Variants in VPS8 observed in about 807,000 individuals in gnomAD.
VPS8 encodes the protein vacuolar protein sorting-associated protein 8 homolog.
A neutral mutation model predicts 216.4 loss-of-function variants in VPS8; 129 were observed. That is an observed-to-expected ratio of 0.60 (90% CI 0.52 to 0.69). The LOEUF (loss-of-function observed/expected upper bound fraction) is 0.69. Ranked by LOEUF, VPS8 falls within the 30% of genes least tolerant of loss-of-function variation. The pLI is 0.00. For missense variants in VPS8, 1,531 were observed against 1,683.5 expected, an observed-to-expected ratio of 0.91 and a Z score of 1.59; for synonymous variants, 571 against 565.4, an observed-to-expected ratio of 1.01 and a Z score of -0.14.
chr3:184,909,425 G>A (rs1031286540), intron 25 of VPS8, among the ~76,000 whole-genome samples: 6 of 152,066 alleles, frequency 3.9e-5, no homozygotes, highest in African/African-American at 1.4e-4. Context: ...CTGTTTCTCT[G>A]GGTTTTGATT....
intron 42 of VPS8, among the ~76,000 whole-genome samples, chr3:184,985,447 A>G (rs1245326059): frequency 6.6e-6 from 1 of 152,244 alleles, no homozygotes; most frequent in African/African-American, 2.4e-5. Context: ...TTCTGAACCC[A>G]TAAGAGCTCT....
intron 40 of VPS8, among the ~76,000 whole-genome samples, chr3:184,979,161 A>C (rs912462086): frequency 7.2e-5 from 11 of 151,772 alleles, no homozygotes. Context: ...GTGGTCTGGG[A>C]ATGTGGTTGG....
chr3:184,846,497 T>C (rs1362385456), intron 8 of VPS8, among the ~76,000 whole-genome samples: 3 of 152,252 alleles, frequency 2.0e-5, no homozygotes, highest in African/African-American at 7.2e-5. Context: ...CTCCTGCTTA[T>C]ACTTCCTGTG....
In VPS8 at chr3:185,050,334, CAG is replaced by C. The variant is rs202206113; in HGVS notation, c.4138-1539_4138-1538del. ...TTGGCCCCTGGAGTAGTGCTTGAGT[CAG>C]AGTTACTGAGTTGTGAATGAGACCA... On this transcript the variant is annotated intron_variant, in intron 47 of 47. Coordinates refer to ENST00000625842, the MANE Select transcript of VPS8 (RefSeq NM_001009921.3). Among the ~76,000 whole-genome samples, 577 of 152,140 alleles carry C rather than the reference CAG, an allele frequency of 3.8e-3. 3 individuals are homozygous for C. The highest frequency in any genetic ancestry group is 0.012 in the African/African-American group (517 of 41,514).
At chr3:184,929,377 A>G (rs1167851549) in intron 32 of VPS8, among the ~76,000 whole-genome samples, 2 of 151,862 alleles carry the variant, frequency 1.3e-5, no homozygotes, top group Non-Finnish European at 2.9e-5. Flanking sequence ...TTTTGTAGAG[A>G]CGGGGTCTTG....
chr3:184,853,807 G>C (rs1277882833), intron 11 of VPS8, 50 bp from the exon 12 acceptor site: 1 of 1,545,508 alleles, frequency 6.5e-7, no homozygotes, highest in Non-Finnish European at 8.8e-7. Flanking sequence ...AGATAGTAGT[G>C]CCTTGGATCA....
intron 40 of VPS8, among the ~76,000 whole-genome samples, chr3:184,980,432 GA>G (rs1750011691): frequency 6.6e-6 from 1 of 152,040 alleles, no homozygotes; most frequent in African/African-American, 2.4e-5. Flanking sequence ...TCTCTTTCAG[GA>G]ATGCCAAAGG....
chr3:184,923,810 A>G (rs985723312), intron 29 of VPS8, among the ~76,000 whole-genome samples: 2 of 152,104 alleles, frequency 1.3e-5, no homozygotes, highest in South Asian at 2.1e-4. Flanking sequence ...CTCTGTTGAC[A>G]TTTCCCCCTT....
chr3:185,039,377 A>C (rs1759327047), intron 46 of VPS8, among the ~76,000 whole-genome samples: 1 of 151,852 alleles, frequency 6.6e-6, no homozygotes, highest in Non-Finnish European at 1.5e-5. Context: ...AGCAGCACGT[A>C]CCAGCATCTG....
chr3:184,977,884 CTT>C (rs55727843), intron 40 of VPS8, among the ~76,000 whole-genome samples: 3 of 131,290 alleles, frequency 2.3e-5, no homozygotes, highest in Admixed American at 7.7e-5. Flanking sequence ...TTTCTTTTTT[CTT>C]TTTTTTTTTT....
intron 39 of VPS8, among the ~76,000 whole-genome samples, chr3:184,968,051 A>G (rs1294570503): frequency 2.0e-5 from 3 of 152,086 alleles, no homozygotes; most frequent in African/African-American, 7.2e-5. Context: ...CTCTCCTCCC[A>G]GCCCCTGGCA....
At chr3:185,014,157 A>G (rs1339136733) in intron 45 of VPS8, among the ~76,000 whole-genome samples, 1 of 152,228 alleles carries the variant, frequency 6.6e-6, no homozygotes, top group Non-Finnish European at 1.5e-5. Context: ...CCCTTGTTGA[A>G]GGAATACTCA....
chr3:184,860,178 T>C (rs947836877), intron 15 of VPS8, 113 bp downstream of exon 15: 10 of 962,870 alleles, frequency 1.0e-5, no homozygotes, highest in Non-Finnish European at 1.6e-5. Context: ...TAAGATCATA[T>C]GAAATATGGA....
At chr3:184,957,584 T>C in intron 37 of VPS8, 63 bp downstream of exon 37, 1 of 1,493,298 alleles carries the variant, frequency 6.7e-7, no homozygotes, top group Non-Finnish European at 9.0e-7. Flanking sequence ...ATTTGACAGA[T>C]GATCAAAGAC....
intron 20 of VPS8, 118 bp downstream of exon 20, chr3:184,869,646 AACACACACAC>A (rs563364165): frequency 1.1e-6 from 1 of 933,558 alleles, no homozygotes; most frequent in East Asian, 2.7e-5. Context: ...TGTATTAAAA[AACACACACAC>A]ACACAGACAC....
intron 36 of VPS8, among the ~76,000 whole-genome samples, chr3:184,952,009 GAATT>G (rs1461320373): frequency 1.3e-5 from 2 of 152,184 alleles, no homozygotes; most frequent in African/African-American, 2.4e-5. Flanking sequence ...TTTCTGGAAA[GAATT>G]AAGTACTGTT....
chr3:185,050,693 A>G (rs935358179), intron 47 of VPS8, among the ~76,000 whole-genome samples: 1 of 152,224 alleles, frequency 6.6e-6, no homozygotes, highest in African/African-American at 2.4e-5. Flanking sequence ...ATGGAAAGAC[A>G]CTTGATACAG....
rs566747217 is a variant in VPS8, at chr3:184,839,917, A to G, written c.535+165A>G. 3 of 1,399,012 alleles carry G rather than the reference A, an allele frequency of 2.1e-6. No homozygotes were observed. The African/African-American group carries it at 4.4e-5, about 21-fold the overall frequency. 86.7% of individuals were successfully genotyped at this position (1,399,012 alleles called of 1,614,324 possible). On this transcript the variant is annotated intron_variant, in intron 7 of 47. Coordinates refer to ENST00000625842, the MANE Select transcript of VPS8 (RefSeq NM_001009921.3). The stretch of plus-strand genomic sequence containing the variant: ...TTTATAGCTAAAAATTATTTGCCTC[A>G]CAGCTTTGTTTTGCTGCTTATTGCA...
intron 33 of VPS8, 45 bp downstream of exon 33, chr3:184,929,709 CCT>C: frequency 8.5e-7 from 1 of 1,172,922 alleles, no homozygotes; most frequent in Non-Finnish European, 1.2e-6. Flanking sequence ...CTCAACTTTC[CCT>C]CTTATTGAGT....
Sources: allele counts gnomAD v4.1 joint callset (sites outside exome capture counted in the v4.1 genomes callset), GRCh38; gene constraint gnomAD v4.1.1; transcripts MANE v1.5; gene names NCBI Gene and HGNC (gene_info 2026-07-23, HGNC 2026-07-21).